Variants in ZDHHC11B observed in about 807,000 individuals in gnomAD.
ZDHHC11B encodes zDHHC palmitoyltransferase 11B (putative).
Under a neutral mutation model 42.3 loss-of-function variants are expected in ZDHHC11B, and 17 were observed. That is an observed-to-expected ratio of 0.40 (90% CI 0.27 to 0.60). ZDHHC11B has a LOEUF of 0.60. Among genes scored for constraint, ZDHHC11B ranks in the 20% least tolerant of loss-of-function variants. The probability of loss-of-function intolerance (pLI) is 0.41; values close to 1 mark genes in which losing one functional copy is unlikely to be tolerated. For missense variants in ZDHHC11B, 262 were observed against 463.2 expected, an observed-to-expected ratio of 0.57 and a Z score of 3.99; for synonymous variants, 123 against 193.5, an observed-to-expected ratio of 0.64 and a Z score of 3.02.
At chr5:774,472 C>CT (rs1736301802) in intron 1 of ZDHHC11B, among the ~76,000 whole-genome samples, 1 of 130,376 alleles carries the variant, frequency 7.7e-6, no homozygotes. Flanking sequence ...TCACTAGGGC[C>CT]GGGACCTGTC....
At chr5:753,445 C>T (rs72503639) in intron 6 of ZDHHC11B, among the ~76,000 whole-genome samples, 70,270 of 117,318 alleles carry the variant, frequency 0.6, 22,176 homozygotes, top group East Asian at 0.74. Context: ...TTGGCACCCA[C>T]GTGGTCCCTC....
At chr5:718,846 T>A (rs1741975043) in intron 12 of ZDHHC11B, among the ~76,000 whole-genome samples, 1 of 151,752 alleles carries the variant, frequency 6.6e-6, no homozygotes, top group Non-Finnish European at 1.5e-5. Context: ...CTGGCTGATG[T>A]CAGAGTGAGC....
chr5:749,173 T>C (rs1456532074), intron 7 of ZDHHC11B, among the ~76,000 whole-genome samples: 2 of 129,736 alleles, frequency 1.5e-5, no homozygotes, highest in African/African-American at 2.5e-5. Flanking sequence ...CCCTTCCTCA[T>C]GGCCCACGCT....
At chr5:728,629 T>G (rs1742770108) in intron 12 of ZDHHC11B, among the ~76,000 whole-genome samples, 1 of 152,006 alleles carries the variant, frequency 6.6e-6, no homozygotes, top group Non-Finnish European at 1.5e-5. Flanking sequence ...GTGCAGAATA[T>G]TTTTAACCTA....
At chr5:754,103 C>A (rs1395911345) in intron 6 of ZDHHC11B, among the ~76,000 whole-genome samples, 7 of 131,086 alleles carry the variant, frequency 5.3e-5, no homozygotes, top group African/African-American at 1.5e-4. Flanking sequence ...AGGGGAAACA[C>A]GTCTCATCTA....
chr5:778,339 C>A (rs1166135407), intron 1 of ZDHHC11B, among the ~76,000 whole-genome samples: 1 of 151,374 alleles, frequency 6.6e-6, no homozygotes, highest in Admixed American at 6.6e-5. Flanking sequence ...ATTAAAGGCA[C>A]CTTCTGTGGG....
rs551837115 is a variant in ZDHHC11B, at chr5:730,838, C to T, written c.1024-370G>A. 3.2e-3 allele frequency among the ~76,000 whole-genome samples: 489 copies of T among 151,808 alleles called. 3 individuals carry two copies. Among genetic ancestry groups the T allele is most frequent in the African/African-American group, 0.011 (467 of 41,188 alleles). ...TGAAGGGGAGATTATAACAAAGACA[C>T]AGACAGAGGGAAGACTGTGAGAGGA... On this transcript the variant is annotated intron_variant, in intron 11 of 13. Coordinates refer to ENST00000508859, the MANE Select transcript of ZDHHC11B (RefSeq NM_001351303.2).
At chr5:746,333 G>A (rs560211558) in intron 8 of ZDHHC11B, among the ~76,000 whole-genome samples, 6 of 147,548 alleles carry the variant, frequency 4.1e-5, no homozygotes, top group African/African-American at 1.5e-4. Context: ...CACAGGATGC[G>A]TCTCACCACA....
intron 10 of ZDHHC11B, among the ~76,000 whole-genome samples, chr5:738,821 G>T: frequency 6.7e-6 from 1 of 150,342 alleles, no homozygotes; most frequent in African/African-American, 2.5e-5. Flanking sequence ...AGACCTGAAA[G>T]CAAAATCTAC....
chr5:714,026 C>T (rs1741561676), intron 13 of ZDHHC11B, among the ~76,000 whole-genome samples: 2 of 139,964 alleles, frequency 1.4e-5, no homozygotes, highest in South Asian at 2.3e-4. Context: ...TGCCTTCAAC[C>T]CTGGCCTGAG....
chr5:783,846 AACAGCAGCCCCCCAAGCCCCATCAAG>A (rs1561209997), intron 1 of ZDHHC11B, among the ~76,000 whole-genome samples: 20 of 124,878 alleles, frequency 1.6e-4, no homozygotes, highest in South Asian at 2.8e-4. Context: ...ACCCCATCAA[AACAGCAGCCCCCCAAGCCCCATCAAG>A]ACAGCAGCCC....
chr5:722,649 C>A (rs1348975945), intron 12 of ZDHHC11B, among the ~76,000 whole-genome samples: 1 of 151,688 alleles, frequency 6.6e-6, no homozygotes, highest in Admixed American at 6.6e-5. Context: ...AATTGCACCA[C>A]TAGGAATAGC....
At chr5:727,888 GA>G (rs1379142443) in intron 12 of ZDHHC11B, among the ~76,000 whole-genome samples, 22 of 151,848 alleles carry the variant, frequency 1.4e-4, no homozygotes, top group African/African-American at 5.3e-4. Context: ...CCTGGAGTAA[GA>G]AAGACTTTTT....
intron 12 of ZDHHC11B, among the ~76,000 whole-genome samples, chr5:717,117 G>A (rs1741809919): frequency 6.6e-6 from 1 of 151,240 alleles, no homozygotes. Context: ...TGCTTTCCCT[G>A]ATAAATAAGA....
intron 6 of ZDHHC11B, among the ~76,000 whole-genome samples, chr5:753,594 G>A (rs1400235351): frequency 6.8e-6 from 1 of 146,864 alleles, no homozygotes; most frequent in Non-Finnish European, 1.5e-5. Flanking sequence ...GAAGGAAGTG[G>A]CACCTGGGGC....
intron 1 of ZDHHC11B, among the ~76,000 whole-genome samples, chr5:774,214 G>A (rs1196096499): frequency 6.6e-6 from 1 of 152,060 alleles, no homozygotes; most frequent in Non-Finnish European, 1.5e-5. Context: ...CCTGGGAAAT[G>A]CCTTCAGACT....
chr5:739,404 A>C (rs1483384685), intron 10 of ZDHHC11B, among the ~76,000 whole-genome samples: 1 of 149,800 alleles, frequency 6.7e-6, no homozygotes, highest in African/African-American at 2.5e-5. Flanking sequence ...TCTCAAACAA[A>C]CAAACAAACA....
chr5:771,475 C>A lies in ZDHHC11B; in HGVS notation c.-229-2545G>T, dbSNP rs112519131. ...GGGCAGGGTCTCATGGGGGCAGGAC[C>A]GCGTGGGGGCAGGATCCTGGTGGGG... is the stretch of plus-strand genomic sequence containing the variant. On this transcript the variant is annotated intron_variant, in intron 1 of 13. Coordinates refer to ENST00000508859, the MANE Select transcript of ZDHHC11B (RefSeq NM_001351303.2). Among the ~76,000 whole-genome samples, 959 of 115,224 alleles carry A rather than the reference C, an allele frequency of 8.3e-3. 17 individuals are homozygous for A. The highest frequency in any genetic ancestry group is 0.013 in the South Asian group (44 of 3,278). 75.6% of individuals were successfully genotyped at this position (115,224 alleles called of 152,430 possible).
chr5:769,542 G>A (rs114397251), intron 1 of ZDHHC11B, among the ~76,000 whole-genome samples: 10,214 of 144,284 alleles, frequency 0.071, 28 homozygotes, highest in East Asian at 0.14. Flanking sequence ...GCAGGCATGC[G>A]GGTGAGAGCG....
Sources: allele counts gnomAD v4.1 joint callset (sites outside exome capture counted in the v4.1 genomes callset), GRCh38; gene constraint gnomAD v4.1.1; transcripts MANE v1.5; gene names NCBI Gene and HGNC (gene_info 2026-07-23, HGNC 2026-07-21).